The following SMYD4 variants were observed in gnomAD, a reference collection of about 807,000 sequenced individuals.
The protein encoded by SMYD4 is SET and MYND domain containing 4, also known as protein-lysine N-methyltransferase SMYD4.
Under a neutral mutation model 72.8 loss-of-function variants are expected in SMYD4, and 68 were observed. That is an observed-to-expected ratio of 0.93 (90% CI 0.77 to 1.14). The LOEUF (loss-of-function observed/expected upper bound fraction) is 1.14, where lower values mean the gene tolerates loss of function less well. Among genes scored for constraint, SMYD4 ranks in the 50% most tolerant of loss-of-function variants. SMYD4 has a pLI of 0.00. For missense variants in SMYD4, 984 were observed against 1,003.7 expected (o/e 0.98, Z 0.27); for synonymous variants, 407 against 388.6 (o/e 1.05, Z -0.56).
intron 2 of SMYD4, among the ~76,000 whole-genome samples, chr17:1,827,214 C>T (rs9897461): frequency 0.19 from 28,268 of 151,042 alleles, 2,692 homozygotes; most frequent in Middle Eastern, 0.2. Context: ...TGGTGGTGTG[C>T]GACTGTAATC....
intron 2 of SMYD4, among the ~76,000 whole-genome samples, chr17:1,819,741 T>C (rs1910798753): frequency 6.6e-6 from 1 of 152,204 alleles, no homozygotes; most frequent in Admixed American, 6.6e-5. Flanking sequence ...TTCCTTCTTT[T>C]ACTTGTTTCA....
chr17:1,786,781 A>G, intron 7 of SMYD4, 29 bp downstream of exon 7: 1 of 1,613,150 alleles, frequency 6.2e-7, no homozygotes, highest in Non-Finnish European at 8.5e-7. Context: ...ACCTCCAGGA[A>G]AAGTGGAGGA....
At chr17:1,789,634 G>C (rs530099231) in intron 5 of SMYD4, among the ~76,000 whole-genome samples, 2 of 151,262 alleles carry the variant, frequency 1.3e-5, no homozygotes, top group Admixed American at 1.3e-4. Context: ...GCGTGGTGGC[G>C]TGCACCAGTA....
chr17:1,792,897 C>T (rs113309434), intron 5 of SMYD4, among the ~76,000 whole-genome samples: 10 of 152,008 alleles, frequency 6.6e-5, no homozygotes, highest in Admixed American at 2.6e-4. Flanking sequence ...TACCACAACC[C>T]GGCTTTAGAT....
chr17:1,804,652 C>CATGACACAGTTAGCA lies in SMYD4; in HGVS notation c.342_343insTGCTAACTGTGTCAT (p.Ala114_Ala115insCysTer). 6.2e-7 allele frequency: 1 copy of CATGACACAGTTAGCA among 1,613,694 alleles called. No individual in the cohort carries two copies. The highest frequency in any genetic ancestry group is 8.5e-7 in the Non-Finnish European group (1 of 1,179,728). ...TCATACTGACCCAGGTGGAAGAGGG[C>CATGACACAGTTAGCA]TGCCGAGCGGTTAGCATGACACAGT... On this transcript the variant is annotated stop_gained and inframe_insertion, in exon 4 of 11. Coordinates refer to ENST00000305513, the MANE Select transcript of SMYD4 (RefSeq NM_052928.3). LOFTEE classifies it high-confidence loss of function.
At chr17:1,799,808 C>T in intron 5 of SMYD4, 49 bp downstream of exon 5, 1 of 1,482,432 alleles carries the variant, frequency 6.7e-7, no homozygotes, top group Non-Finnish European at 9.0e-7. Flanking sequence ...CAAACACCTG[C>T]TCCATCGAGA....
intron 7 of SMYD4, 129 bp from the exon 8 acceptor site, chr17:1,784,590 G>C (rs866701527): frequency 6.8e-7 from 1 of 1,481,004 alleles, no homozygotes; most frequent in Non-Finnish European, 8.9e-7. Context: ...ACAATACATC[G>C]TGACGAAAGT....
chr17:1,822,539 C>T (rs1438803795), intron 2 of SMYD4, among the ~76,000 whole-genome samples: 1 of 152,144 alleles, frequency 6.6e-6, no homozygotes, highest in East Asian at 1.9e-4. Flanking sequence ...CAGAAAAAGG[C>T]GGGAAGCTCT....
At chr17:1,799,755 A>G (rs1597378818) in intron 5 of SMYD4, 102 bp downstream of exon 5, 3 of 1,157,594 alleles carry the variant, frequency 2.6e-6, no homozygotes, top group Non-Finnish European at 3.5e-6. Context: ...CATTAGCTCA[A>G]TGATTTGTTT....
intron 3 of SMYD4, among the ~76,000 whole-genome samples, chr17:1,806,550 GA>G (rs958468447): frequency 4.0e-5 from 6 of 151,808 alleles, no homozygotes; most frequent in East Asian, 3.9e-4. Context: ...CTAAATATGT[GA>G]AAAAAAATGC....
chr17:1,801,625 GAAA>G lies in SMYD4; in HGVS notation c.370-604_370-602del, dbSNP rs551608562. ...GCATGGTGACTAACAGGCAGGCTTT[GAAA>G]AAAAAAAAAAAAAAAAAAGAGGCAG... On this transcript the variant is annotated intron_variant, in intron 4 of 10. Coordinates refer to ENST00000305513, the MANE Select transcript of SMYD4 (RefSeq NM_052928.3). Among the ~76,000 whole-genome samples, 247 of 89,960 alleles carry G rather than the reference GAAA, an allele frequency of 2.7e-3. 2 individuals carry two copies. Among genetic ancestry groups the G allele is most frequent in the African/African-American group, 0.01 (237 of 23,212 alleles). The allele number at this position is 89,960 out of a possible 152,430, so 59.0% of individuals were successfully genotyped here.
rs868423629 is a variant in SMYD4 at position 1,817,900 on chromosome 17, A to T, written c.135-5785T>A. The stretch of plus-strand genomic sequence containing the variant: ...GTCTCTACTAAAAATACAAAAAATT[A>T]GCCAGGCGTGGTGGCGGGTGCCTGT... On this transcript the variant is annotated intron_variant, in intron 2 of 10. Coordinates refer to ENST00000305513, the MANE Select transcript of SMYD4 (RefSeq NM_052928.3). Among the ~76,000 whole-genome samples, 8 of 152,140 alleles carry T rather than the reference A, an allele frequency of 5.3e-5. No homozygotes were observed. In the South Asian group the frequency reaches 1.2e-3, roughly 24 times the overall value.
rs1911293801 is a variant in SMYD4, at chr17:1,828,057, A to T, written c.-12-51T>A. On this transcript the variant is annotated intron_variant, in intron 1 of 10. Transcript: ENST00000305513. ...ATCTTACAAATGCACAATTTTAGAA[A>T]ATCAAGAGTTCAGCCAGGTACGGTG... is the stretch of plus-strand genomic sequence containing the variant. 4.5e-6 allele frequency: 7 copies of T among 1,564,368 alleles called. No homozygotes were observed. In the South Asian group the frequency reaches 7.9e-5, roughly 18 times the overall value.
intron 5 of SMYD4, among the ~76,000 whole-genome samples, chr17:1,791,736 CTG>C (rs1909039386): frequency 6.6e-6 from 1 of 151,980 alleles, no homozygotes; most frequent in Non-Finnish European, 1.5e-5. Flanking sequence ...AAAAAACTAA[CTG>C]AGGCTGGGCG....
At chr17:1,807,806 A>G (rs1251697349) in intron 3 of SMYD4, among the ~76,000 whole-genome samples, 2 of 152,190 alleles carry the variant, frequency 1.3e-5, no homozygotes, top group African/African-American at 4.8e-5. Flanking sequence ...CTGTATTTAC[A>G]CACGCCTGGA....
chr17:1,781,748 A>C (rs1597361849), intron 10 of SMYD4: 1 of 183,956 alleles, frequency 5.4e-6, no homozygotes, highest in Non-Finnish European at 1.1e-5. Context: ...GCTCACTGCA[A>C]CCTCCGCCTC....
intron 10 of SMYD4, chr17:1,782,603 A>T (rs1908422694): frequency 6.4e-6 from 1 of 155,772 alleles, no homozygotes; most frequent in African/African-American, 2.4e-5. Flanking sequence ...GAGAGCCTGG[A>T]GCTGAGAGTG....
chr17:1,809,770 C>T (rs926543583), intron 3 of SMYD4, among the ~76,000 whole-genome samples: 61 of 146,370 alleles, frequency 4.2e-4, no homozygotes, highest in Non-Finnish European at 7.5e-5. Flanking sequence ...CCCGGGTTCA[C>T]GCCATTCTCC....
At chr17:1,810,291 T>C (rs959271002) in intron 3 of SMYD4, among the ~76,000 whole-genome samples, 1 of 152,084 alleles carries the variant, frequency 6.6e-6, no homozygotes, top group African/African-American at 2.4e-5. Flanking sequence ...AATTACTTTT[T>C]TTTTTTTGAG....
Sources: gnomAD v4.1 joint callset for allele counts (sites outside exome capture counted in the v4.1 genomes callset) on GRCh38, gnomAD v4.1.1 for gene constraint, MANE v1.5 for transcripts, NCBI Gene and HGNC (gene_info 2026-07-23, HGNC 2026-07-21) for gene names.